Variants in CD53 observed in about 807,000 individuals in gnomAD.
CD53 encodes CD53 molecule.
Under a neutral mutation model 27.3 loss-of-function variants are expected in CD53, and 20 were observed. The observed-to-expected ratio is 0.73, with a 90% CI of 0.52 to 1.07. The LOEUF (loss-of-function observed/expected upper bound fraction) is 1.07, where lower values mean the gene tolerates loss of function less well. Ranked by LOEUF, CD53 falls within the 50% of genes least tolerant of loss-of-function variation. The pLI, the probability that CD53 is intolerant of heterozygous loss-of-function variation, is 0.00. For missense variants in CD53, 216 were observed against 264.0 expected, an observed-to-expected ratio of 0.82 and a Z score of 1.26; for synonymous variants, 106 against 105.3, an observed-to-expected ratio of 1.01 and a Z score of -0.04.
rs1233044071 is a variant in CD53 at position 110,899,497 on chromosome 1, A to G, written c.*302A>G. On this transcript the variant is annotated 3_prime_UTR_variant, in exon 8 of 8. Transcript: ENST00000271324. ...ACTGGATTTAATGGCCCAACATCAA[A>G]GGGTGAACCCAGGATATGAATTTTT... is the stretch of plus-strand genomic sequence containing the variant. The G allele has an allele frequency of 7.3e-6, 2 of 272,846 alleles. No individual in the cohort carries two copies. The highest frequency in any genetic ancestry group is 1.4e-5 in the Non-Finnish European group (2 of 141,090). 16.9% of individuals were successfully genotyped at this position (272,846 alleles called of 1,614,324 possible).
rs1055684855 is a variant in CD53 at position 110,897,830 on chromosome 1, C to G, written c.526C>G (p.Leu176Val). The G allele has an allele frequency of 1.9e-6, 3 of 1,610,918 alleles. No homozygotes were observed. Among genetic ancestry groups the G allele is most frequent in the Non-Finnish European group, 2.5e-6 (3 of 1,177,400 alleles). Residue 176 changes from leucine (L) to valine (V), a missense_variant, in exon 7 of 8, where the codon CTG (leucine) becomes GTG (valine). Transcript: ENST00000271324. ...KVEGCYAKAR[L>V]WFHSNFLYIG... is the part of the protein sequence containing the mutation. ...CTAGGGTTGCTATGCGAAAGCAAGACTGTGGTTTCATTCCAATTTCCTGTA... is the reference window on the plus strand; with the variant it reads ...CTAGGGTTGCTATGCGAAAGCAAGAGTGTGGTTTCATTCCAATTTCCTGTA...
At chr1:110,891,714 A>T (rs1299024088) in intron 2 of CD53, among the ~76,000 whole-genome samples, 1 of 152,202 alleles carries the variant, frequency 6.6e-6, no homozygotes, top group Non-Finnish European at 1.5e-5. Context: ...TGAGGGCTTT[A>T]GTTTACTACT....
intron 1 of CD53, among the ~76,000 whole-genome samples, chr1:110,879,416 T>C (rs1216362168): frequency 6.6e-6 from 1 of 152,250 alleles, no homozygotes. Context: ...CTAGTGTTTA[T>C]CAAACTGTGT....
At chr1:110,878,021 G>A (rs1494319) in intron 1 of CD53, among the ~76,000 whole-genome samples, 33,524 of 152,058 alleles carry the variant, frequency 0.22, 4,060 homozygotes, top group East Asian at 0.32. Flanking sequence ...GGTGGAAAGA[G>A]CATGGGCTTT....
chr1:110,898,063 G>T (rs1370687084), intron 7 of CD53, among the ~76,000 whole-genome samples, 171 bp downstream of exon 7: 1 of 152,114 alleles, frequency 6.6e-6, no homozygotes, highest in Non-Finnish European at 1.5e-5. Context: ...TTGCTTTAAG[G>T]TATATAGAAA....
At chr1:110,888,373 GC>G (rs1656712814) in intron 1 of CD53, among the ~76,000 whole-genome samples, 1 of 152,142 alleles carries the variant, frequency 6.6e-6, no homozygotes, top group African/African-American at 2.4e-5. Context: ...CAAAATCTCA[GC>G]TCTGCCAGGC....
At position 110,884,749 on chromosome 1, in the gene CD53, T is replaced by C. The variant is rs182671586; in HGVS notation, c.-17-6643T>C. Among the ~76,000 whole-genome samples the C allele has an allele frequency of 1.0e-3, 156 of 152,278 alleles. 2 individuals carry two copies. Among genetic ancestry groups the C allele is most frequent in the Non-Finnish European group, 3.4e-4 (23 of 67,980 alleles). ...TAATAGTGTTTGTTTTAGTCTAATATAGACACTCCAGCCTTTTTTTCCCTT... is the reference window on the plus strand; with the variant it reads ...TAATAGTGTTTGTTTTAGTCTAATACAGACACTCCAGCCTTTTTTTCCCTT... On this transcript the variant is annotated intron_variant, in intron 1 of 7. Coordinates refer to ENST00000271324, the MANE Select transcript of CD53 (RefSeq NM_000560.4).
intron 3 of CD53, 103 bp downstream of exon 3, chr1:110,892,636 T>C (rs1178867608): frequency 1.2e-5 from 12 of 967,096 alleles, no homozygotes; most frequent in South Asian, 3.1e-5. Context: ...AGAAAGATCA[T>C]AGGAAAATGA....
chr1:110,876,552 C>T (rs999281081), intron 1 of CD53, among the ~76,000 whole-genome samples: 3 of 151,956 alleles, frequency 2.0e-5, no homozygotes, highest in Non-Finnish European at 4.4e-5. Context: ...GATTTTAATG[C>T]CTCATATCTT....
intron 7 of CD53, among the ~76,000 whole-genome samples, chr1:110,898,698 T>G (rs1048565428): frequency 6.6e-3 from 3 of 454 alleles, no homozygotes; most frequent in Non-Finnish European, 0.012. Context: ...TTTCTAACAT[T>G]TTTCTACCCA....
chr1:110,892,607 G>A, intron 3 of CD53, 74 bp downstream of exon 3: 1 of 1,227,762 alleles, frequency 8.1e-7, no homozygotes, highest in Non-Finnish European at 1.2e-6. Context: ...ATGTTTCTTG[G>A]TAGATCACTT....
chr1:110,892,318 A>T, intron 2 of CD53, 27 bp from the exon 3 acceptor site: 1 of 1,589,800 alleles, frequency 6.3e-7, no homozygotes, highest in South Asian at 1.1e-5. Flanking sequence ...ATTTTGCTTC[A>T]GGATGTTGTG....
At position 110,884,979 on chromosome 1, in the gene CD53, G is replaced by T. The variant is rs548415274; in HGVS notation, c.-17-6413G>T. Among the ~76,000 whole-genome samples the T allele has an allele frequency of 4.6e-5, 7 of 152,020 alleles. No homozygotes were observed. The South Asian group carries it at 1.2e-3, about 27-fold the overall frequency. On this transcript the variant is annotated intron_variant, in intron 1 of 7. Coordinates refer to ENST00000271324, the MANE Select transcript of CD53 (RefSeq NM_000560.4). ...GTATGGTTGGGATTTTAGCATATTT[G>T]TTTTTTATTTGTCTCATTTTTCTAC...
At position 110,894,315 on chromosome 1, in the gene CD53, G is replaced by T. The variant is rs765856694; in HGVS notation, c.253-12G>T. On this transcript the variant is annotated splice_polypyrimidine_tract_variant and intron_variant, in intron 3 of 7. Coordinates refer to ENST00000271324, the MANE Select transcript of CD53 (RefSeq NM_000560.4). ...GGATCAGTGCTGTGAGAATGTATCT[G>T]CTTTGTCCCAGTTCTTCATCCTGCT... 1 of 1,613,184 alleles carries T rather than the reference G, an allele frequency of 6.2e-7. No individual in the cohort carries two copies. Among genetic ancestry groups the T allele is most frequent in the Non-Finnish European group, 8.5e-7 (1 of 1,179,132 alleles).
At chr1:110,872,729 C>A (rs1343151020), upstream of CD53, among the ~76,000 whole-genome samples, 1 of 152,160 alleles carries the variant, frequency 6.6e-6, no homozygotes, top group East Asian at 1.9e-4. Flanking sequence ...AGTCTCGGGC[C>A]TAGAAAATGT....
At chr1:110,880,022 G>A (rs1383286087) in intron 1 of CD53, among the ~76,000 whole-genome samples, 1 of 152,222 alleles carries the variant, frequency 6.6e-6, no homozygotes, top group African/African-American at 2.4e-5. Context: ...CCCATTGGAG[G>A]AAACTAAAGA....
upstream of CD53, among the ~76,000 whole-genome samples, chr1:110,871,848 C>CA (rs1553201970): frequency 5.5e-5 from 8 of 144,546 alleles, no homozygotes; most frequent in African/African-American, 1.8e-4. Context: ...CACACACACA[C>CA]CACACAGTTC....
chr1:110,873,406 A>G (rs537421220), intron 1 of CD53, among the ~76,000 whole-genome samples, 158 bp downstream of exon 1: 25 of 152,334 alleles, frequency 1.6e-4, no homozygotes, highest in Admixed American at 1.4e-3. Flanking sequence ...GCAAGATCCT[A>G]GTAACATCCC....
intron 5 of CD53, among the ~76,000 whole-genome samples, chr1:110,896,215 A>T (rs992866883): frequency 5.3e-5 from 8 of 152,222 alleles, no homozygotes; most frequent in Non-Finnish European, 1.2e-4. Context: ...TCTGTCTCCC[A>T]TAAGCCCCAT....
Sources: gnomAD v4.1 joint callset for allele counts (sites outside exome capture counted in the v4.1 genomes callset) on GRCh38, gnomAD v4.1.1 for gene constraint, MANE v1.5 for transcripts, NCBI Gene and HGNC (gene_info 2026-07-23, HGNC 2026-07-21) for gene names.